Variants in FOXC1 observed in about 807,000 individuals in gnomAD.
FOXC1 encodes forkhead box protein C1.
A neutral mutation model predicts 8.1 loss-of-function variants in FOXC1; 5 were observed. The ratio of observed to expected loss-of-function variants is 0.62; its 90% CI spans 0.32 to 1.30. The LOEUF (loss-of-function observed/expected upper bound fraction) is 1.30, where lower values mean the gene tolerates loss of function less well. Among genes scored for constraint, FOXC1 ranks in the 50% most tolerant of loss-of-function variants. FOXC1 has a pLI of 0.05. For synonymous variants in FOXC1, 552 were observed against 417.2 expected, an observed-to-expected ratio of 1.32 and a Z score of -3.94; for missense variants, 942 against 858.0, an observed-to-expected ratio of 1.10 and a Z score of -1.22.
rs1003323508 is a variant in FOXC1 at position 1,612,445 on chromosome 6, G to A, written c.*338G>A. 2.2e-6 allele frequency: 1 copy of A among 462,748 alleles called. No individual in the cohort carries two copies. Among genetic ancestry groups the A allele is most frequent in the Non-Finnish European group, 4.0e-6 (1 of 248,666 alleles). 28.7% of individuals were successfully genotyped at this position (462,748 alleles called of 1,614,324 possible). On this transcript the variant is annotated 3_prime_UTR_variant, in exon 1 of 1. Transcript: ENST00000645831. ...CACGTAAGTTTCTTCTTGCTTTTCAGAGACCTGCTTTCCCCTCCTCCCGTC... is the reference window on the plus strand; with the variant it reads ...CACGTAAGTTTCTTCTTGCTTTTCAAAGACCTGCTTTCCCCTCCTCCCGTC...
rs1762549864 is a variant in FOXC1, at chr6:1,611,585, CGCGGG to C, written c.1142_1146del (p.Ala381GlyfsTer145). On this transcript the variant is annotated frameshift_variant, in exon 1 of 1. Transcript: ENST00000645831. LOFTEE classifies it low-confidence loss of function (END_TRUNC). The surrounding 1 kb of genome is among the most constrained non-coding windows in gnomAD (Gnocchi z 7.1). ...GCAGCTCGGGCGGCGGCGGCGGCGG[CGCGGG>C]GGCCGCGGGGGGCGCGGGCGGCGCC... The C allele has an allele frequency of 1.7e-6, 2 of 1,155,264 alleles. No individual in the cohort carries two copies. The highest frequency in any genetic ancestry group is 4.3e-5 in the East Asian group (1 of 23,036). The allele number at this position is 1,155,264 out of a possible 1,614,324, so 71.6% of individuals were successfully genotyped here.
In FOXC1 at chr6:1,611,057, G is replaced by C. The variant is rs1180537005; in HGVS notation, c.612G>C (p.Ala204=). 1.3e-6 allele frequency: 2 copies of C among 1,498,798 alleles called. No homozygotes were observed. Among genetic ancestry groups the C allele is most frequent in the Non-Finnish European group, 8.9e-7 (1 of 1,121,556 alleles). 92.8% of individuals were successfully genotyped at this position (1,498,798 alleles called of 1,614,324 possible). A position where few individuals can be genotyped will look rare whatever the true frequency, so the allele number is the denominator to read the frequency against. Residue 204 remains alanine, a synonymous_variant, in exon 1 of 1, where the codon GCG becomes GCC. Coordinates refer to ENST00000645831, the MANE Select transcript of FOXC1 (RefSeq NM_001453.3). The surrounding 1 kb of genome is among the most constrained non-coding windows in gnomAD (Gnocchi z 7.1). The part of the protein sequence containing the change: ...PPPPGRQPPP[A]PPEQADGNAP... ...CGCCCGGCCGCCAGCCCCCGCCCGC[G>C]CCGCCGGAGCAGGCCGACGGCAACG...
Position 1,611,696 on chromosome 6 carries a change from G to C in FOXC1, c.1251G>C (p.Gly417=). The change falls in exon 1 of 1, where the codon GGG becomes GGC. Residue 417 remains glycine (G), a synonymous_variant. Coordinates refer to ENST00000645831, the MANE Select transcript of FOXC1 (RefSeq NM_001453.3). The surrounding 1 kb of genome is among the most constrained non-coding windows in gnomAD (Gnocchi z 7.1). ...GGGGCCACTTGCAGGGCGCGCCCGG[G>C]GGCGCGGGCGGCTCGGCCGTGGACG... is the stretch of plus-strand genomic sequence containing the variant. ...ERGGHLQGAP[G]GAGGSAVDDP... 7.0e-7 allele frequency: 1 copy of C among 1,429,856 alleles called. No homozygotes were observed. Among genetic ancestry groups the C allele is most frequent in the Non-Finnish European group, 9.1e-7 (1 of 1,098,556 alleles). The allele number at this position is 1,429,856 out of a possible 1,614,324, so 88.6% of individuals were successfully genotyped here. A position where few individuals can be genotyped will look rare whatever the true frequency, so the allele number is the denominator to read the frequency against.
At position 1,610,275 on chromosome 6, in the gene FOXC1, C is replaced by T. The variant is rs1377095657; in HGVS notation, c.-171C>T. 1.3e-5 allele frequency: 3 copies of T among 226,136 alleles called. No homozygotes were observed. The highest frequency in any genetic ancestry group is 2.2e-5 in the Non-Finnish European group (3 of 136,486). 14.0% of individuals were successfully genotyped at this position (226,136 alleles called of 1,614,324 possible). On this transcript the variant is annotated 5_prime_UTR_variant, in exon 1 of 1. Transcript: ENST00000645831. ...GAGGTAGCCCGAGGCGCCGGAGGAG[C>T]CAGCCCCAGCGAGCGCCGGGAGAGG...
chr6:1,611,782 ACGGCGG>A lies in FOXC1; in HGVS notation c.1356_1361del (p.Gly455_Gly456del), dbSNP rs398123612. On this transcript the variant is annotated inframe_deletion, in exon 1 of 1. Coordinates refer to ENST00000645831, the MANE Select transcript of FOXC1 (RefSeq NM_001453.3). The surrounding 1 kb of genome is among the most constrained non-coding windows in gnomAD (Gnocchi z 7.1). The stretch of plus-strand genomic sequence containing the variant: ...AGCAGCAGCTCGTCGTCCCTGAGTC[ACGGCGG>A]CGGCGGCGGCGGCGGCGGGGGAGGC... 4.5e-4 allele frequency: 650 copies of A among 1,440,534 alleles called. 1 individual carries two copies. Among genetic ancestry groups the A allele is most frequent in the South Asian group, 9.4e-4 (69 of 73,720 alleles). The allele number at this position is 1,440,534 out of a possible 1,614,324, so 89.2% of individuals were successfully genotyped here.
rs779693228 is a variant in FOXC1, at chr6:1,611,224, C to T, written c.779C>T (p.Pro260Leu). The stretch of plus-strand genomic sequence containing the variant: ...GCCGCGGTGCCCAAGATCGAGAGCC[C>T]CGACAGCAGCAGCAGCAGCCTGTCC... ...SAAAVPKIES[P>L]DSSSSSLSSG... Residue 260 changes from proline to leucine, a missense_variant, in exon 1 of 1, where the codon CCC (proline) becomes CTC (leucine). Pro to Leu is a moderately conservative substitution (Grantham distance 98). This residue lies in a region of FOXC1 where 726 missense variants were observed against 599.6 expected (regional missense o/e 1.21). Transcript: ENST00000645831. This position sits in a 1 kb window ranked among gnomAD's most constrained non-coding sequence, Gnocchi z 7.1. 1.8e-5 allele frequency: 26 copies of T among 1,455,588 alleles called. No individual in the cohort carries two copies. The highest frequency in any genetic ancestry group is 3.0e-5 in the African/African-American group (2 of 67,624). The allele number at this position is 1,455,588 out of a possible 1,614,324, so 90.2% of individuals were successfully genotyped here. A position where few individuals can be genotyped will look rare whatever the true frequency, so the allele number is the denominator to read the frequency against.
Position 1,612,017 on chromosome 6 carries a change from C to T in FOXC1, c.1572C>T (p.Asn524=), listed in dbSNP as rs1329094535. The change falls in exon 1 of 1, where the codon AAC becomes AAT. Residue 524 remains asparagine, a synonymous_variant. Coordinates refer to ENST00000645831, the MANE Select transcript of FOXC1 (RefSeq NM_001453.3). ...TCGGCTTGAACAACTCTCCAGTGAA[C>T]GGGAATAGTAGCTGTCAAATGGCCT... ...QRIGLNNSPV[N]GNSSCQMAFP... The T allele has an allele frequency of 1.2e-6, 2 of 1,612,796 alleles. No individual in the cohort carries two copies. Among genetic ancestry groups the T allele is most frequent in the Non-Finnish European group, 1.7e-6 (2 of 1,179,834 alleles).
Position 1,612,574 on chromosome 6 carries a change from TA to T in FOXC1, c.*468del. Reference sequence around the variant, plus strand: ...CCGTTTATGAAAGTCGCTTTCTTTTTATTCATGGACTTGTTTTAAAATGTAA... The same window carrying T: ...CCGTTTATGAAAGTCGCTTTCTTTTTTTCATGGACTTGTTTTAAAATGTAA... On this transcript the variant is annotated 3_prime_UTR_variant, in exon 1 of 1. Transcript: ENST00000645831. The T allele has an allele frequency of 4.0e-6, 1 of 250,504 alleles. No individual in the cohort carries two copies. The highest frequency in any genetic ancestry group is 8.3e-6 in the Non-Finnish European group (1 of 119,788). The allele number at this position is 250,504 out of a possible 1,614,324, so 15.5% of individuals were successfully genotyped here. A position where few individuals can be genotyped will look rare whatever the true frequency, so the allele number is the denominator to read the frequency against.
chr6:1,612,054 C>T lies in FOXC1; in HGVS notation c.1609C>T (p.Gln537Ter). 6.2e-7 allele frequency: 1 copy of T among 1,614,066 alleles called. No individual in the cohort carries two copies. The highest frequency in any genetic ancestry group is 8.5e-7 in the Non-Finnish European group (1 of 1,180,038). Residue 537 changes from glutamine (Q) to a stop codon, truncating the protein, a stop_gained, in exon 1 of 1, where the codon CAG becomes TAG. Transcript: ENST00000645831. LOFTEE classifies it high-confidence loss of function. ...SSCQMAFPSS[Q>*]SLYRTSGAFV... is the part of the protein sequence containing the mutation. ...CTGTCAAATGGCCTTCCCTTCCAGC[C>T]AGTCTCTGTACCGCACGTCCGGAGC...
At position 1,613,763 on chromosome 6, in the gene FOXC1, A is replaced by T. The variant is rs979626594; in HGVS notation, c.*1656A>T. The T allele has an allele frequency of 2.2e-5, 5 of 228,400 alleles. No homozygotes were observed. The highest frequency in any genetic ancestry group is 4.7e-5 in the Non-Finnish European group (5 of 105,998). 14.1% of individuals were successfully genotyped at this position (228,400 alleles called of 1,614,324 possible). A position where few individuals can be genotyped will look rare whatever the true frequency, so the allele number is the denominator to read the frequency against. ...GGGGGGCTTGCAGTTTGTTTTGGAG[A>T]TAATACAGTTTCCTGCTATCTGCCG... On this transcript the variant is annotated 3_prime_UTR_variant, in exon 1 of 1. Coordinates refer to ENST00000645831, the MANE Select transcript of FOXC1 (RefSeq NM_001453.3).
Position 1,611,823 on chromosome 6 carries a change from G to C in FOXC1, c.1378G>C (p.Gly460Arg). Residue 460 changes from glycine to arginine, a missense_variant, in exon 1 of 1, where the codon GGC becomes CGC. Gly to Arg is a moderately radical substitution (Grantham distance 125). This residue lies in a region of FOXC1 where 726 missense variants were observed against 599.6 expected (regional missense o/e 1.21). Transcript: ENST00000645831. The surrounding 1 kb of genome is among the most constrained non-coding windows in gnomAD (Gnocchi z 7.1). ...CGGCGGCGGGGGAGGCCAGGAGGCC[G>C]GCCACCACCCTGCGGCCCACCAAGG... ...GGGGGGGQEA[G>R]HHPAAHQGRL... 3 of 1,505,088 alleles carry C rather than the reference G, an allele frequency of 2.0e-6. No individual in the cohort carries two copies. Among genetic ancestry groups the C allele is most frequent in the Non-Finnish European group, 2.7e-6 (3 of 1,130,054 alleles). The allele number at this position is 1,505,088 out of a possible 1,614,324, so 93.2% of individuals were successfully genotyped here.
rs1189595856 is a variant in FOXC1, at chr6:1,609,954, G to A, written c.-492G>A. The stretch of plus-strand genomic sequence containing the variant: ...AAGTTTTCCCAATGCTTCCTTAAGC[G>A]GCTGGCGCGCGAGAGACCGAGAAAA... On this transcript the variant is annotated 5_prime_UTR_variant, in exon 1 of 1. Transcript: ENST00000645831. 2.6e-5 allele frequency: 4 copies of A among 151,840 alleles called. No individual in the cohort carries two copies. Among genetic ancestry groups the A allele is most frequent in the Non-Finnish European group, 5.9e-5 (4 of 67,926 alleles). 9.4% of individuals were successfully genotyped at this position (151,840 alleles called of 1,614,324 possible).
rs1414044891 is a variant in FOXC1, at chr6:1,611,234, C to T, written c.789C>T (p.Ser263=). ...CCAAGATCGAGAGCCCCGACAGCAG[C>T]AGCAGCAGCCTGTCCAGCGGGAGCA... ...AVPKIESPDS[S]SSSLSSGSSP... The change falls in exon 1 of 1, where the codon AGC becomes AGT. Residue 263 remains serine, a synonymous_variant. Transcript: ENST00000645831. The surrounding 1 kb of genome is among the most constrained non-coding windows in gnomAD (Gnocchi z 7.1). The T allele has an allele frequency of 6.9e-7, 1 of 1,448,620 alleles. No individual in the cohort carries two copies. Among genetic ancestry groups the T allele is most frequent in the South Asian group, 1.3e-5 (1 of 77,230 alleles). The allele number at this position is 1,448,620 out of a possible 1,614,324, so 89.7% of individuals were successfully genotyped here. A position where few individuals can be genotyped will look rare whatever the true frequency, so the allele number is the denominator to read the frequency against.
Position 1,610,538 on chromosome 6 carries a change from G to A in FOXC1, c.93G>A (p.Ala31=). The A allele has an allele frequency of 6.5e-7, 1 of 1,540,734 alleles. No homozygotes were observed. Among genetic ancestry groups the A allele is most frequent in the Non-Finnish European group, 8.7e-7 (1 of 1,144,500 alleles). ...AGAGCTACTACCGCGCGGCGGCCGC[G>A]GCGGCCGGGGGCGGCTACACCGCCA... ...GEQSYYRAAA[A]AAGGGYTAMP... Residue 31 remains alanine (A), a synonymous_variant, in exon 1 of 1, where the codon GCG becomes GCA. Transcript: ENST00000645831.
In FOXC1 at chr6:1,611,384, C is replaced by T. The variant is rs1581374373; in HGVS notation, c.939C>T (p.Ile313=). The T allele has an allele frequency of 1.4e-6, 2 of 1,451,168 alleles. No homozygotes were observed. Among genetic ancestry groups the T allele is most frequent in the East Asian group, 3.1e-5 (1 of 31,862 alleles). The allele number at this position is 1,451,168 out of a possible 1,614,324, so 89.9% of individuals were successfully genotyped here. A position where few individuals can be genotyped will look rare whatever the true frequency, so the allele number is the denominator to read the frequency against. ...HHSQGFSVDN[I]MTSLRGSPQS... ...GCCAGGGCTTCAGCGTGGACAACAT[C>T]ATGACGTCGCTGCGGGGGTCGCCGC... is the stretch of plus-strand genomic sequence containing the variant. The change falls in exon 1 of 1, where the codon ATC becomes ATT. Residue 313 remains isoleucine, a synonymous_variant. Transcript: ENST00000645831. This position sits in a 1 kb window ranked among gnomAD's most constrained non-coding sequence, Gnocchi z 7.1.
Position 1,611,935 on chromosome 6 carries a change from A to T in FOXC1, c.1490A>T (p.Tyr497Phe). The change falls in exon 1 of 1, where the codon TAC becomes TTC. Residue 497 changes from tyrosine (Y) to phenylalanine (F), a missense_variant. Coordinates refer to ENST00000645831, the MANE Select transcript of FOXC1 (RefSeq NM_001453.3). The surrounding 1 kb of genome is among the most constrained non-coding windows in gnomAD (Gnocchi z 7.1). ...SAAAAAAAAG[Y>F]PGQQQNFHSV... ...GCGGCGGCGGCGGCGGCCGCAGGCTACCCGGGCCAGCAGCAGAACTTCCAC... is the reference window on the plus strand; with the variant it reads ...GCGGCGGCGGCGGCGGCCGCAGGCTTCCCGGGCCAGCAGCAGAACTTCCAC... 1 of 1,572,226 alleles carries T rather than the reference A, an allele frequency of 6.4e-7. No individual in the cohort carries two copies. Among genetic ancestry groups the T allele is most frequent in the African/African-American group, 1.3e-5 (1 of 74,116 alleles).
chr6:1,611,115 C>A lies in FOXC1; in HGVS notation c.670C>A (p.Gln224Lys). ...TCCGCAGCCGCCGCCCGTGCGCATC[C>A]AGGACATCAAGACCGAGAACGGTAC... is the stretch of plus-strand genomic sequence containing the variant. ...PGPQPPPVRI[Q>K]DIKTENGTCP... The change falls in exon 1 of 1, where the codon CAG becomes AAG. Residue 224 changes from glutamine to lysine, a missense_variant. Gln to Lys is a moderately conservative substitution (Grantham distance 53). Around this residue, in one of 4 missense-constraint regions of FOXC1, gnomAD observed 726 missense variants for 599.6 expected, o/e 1.21. Coordinates refer to ENST00000645831, the MANE Select transcript of FOXC1 (RefSeq NM_001453.3). This position sits in a 1 kb window ranked among gnomAD's most constrained non-coding sequence, Gnocchi z 7.1. The A allele has an allele frequency of 1.4e-6, 2 of 1,393,660 alleles. No individual in the cohort carries two copies. The highest frequency in any genetic ancestry group is 1.9e-6 in the Non-Finnish European group (2 of 1,061,472). 86.3% of individuals were successfully genotyped at this position (1,393,660 alleles called of 1,614,324 possible). A position where few individuals can be genotyped will look rare whatever the true frequency, so the allele number is the denominator to read the frequency against.
In FOXC1 at chr6:1,611,215, T is replaced by A; in HGVS notation, c.770T>A (p.Ile257Asn). ...GGCAGCGCCGCCGCGGTGCCCAAGA[T>A]CGAGAGCCCCGACAGCAGCAGCAGC... ...GSGSAAAVPK[I>N]ESPDSSSSSL... is the part of the protein sequence containing the mutation. The change falls in exon 1 of 1, where the codon ATC becomes AAC. Residue 257 changes from isoleucine (I) to asparagine (N), a missense_variant. Ile to Asn is a moderately radical substitution (Grantham distance 149). Transcript: ENST00000645831. The surrounding 1 kb of genome is among the most constrained non-coding windows in gnomAD (Gnocchi z 7.1). The A allele has an allele frequency of 6.9e-7, 1 of 1,456,456 alleles. No individual in the cohort carries two copies. Among genetic ancestry groups the A allele is most frequent in the Non-Finnish European group, 9.0e-7 (1 of 1,105,062 alleles). The allele number at this position is 1,456,456 out of a possible 1,614,324, so 90.2% of individuals were successfully genotyped here.
At position 1,610,612 on chromosome 6, in the gene FOXC1, A is replaced by G. The variant is rs2113111069; in HGVS notation, c.167A>G (p.Tyr56Cys). 1 of 1,610,326 alleles carries G rather than the reference A, an allele frequency of 6.2e-7. No homozygotes were observed. Among genetic ancestry groups the G allele is most frequent in the African/African-American group, 1.3e-5 (1 of 74,706 alleles). ...VYSHPAHAEQYPGGMARAYGP... is the reference protein window; with the variant it reads ...VYSHPAHAEQCPGGMARAYGP... ...TCGCACCCTGCGCACGCCGAGCAGTACCCGGGCGGCATGGCCCGCGCCTAC... is the reference window on the plus strand; with the variant it reads ...TCGCACCCTGCGCACGCCGAGCAGTGCCCGGGCGGCATGGCCCGCGCCTAC... The change falls in exon 1 of 1, where the codon TAC (tyrosine) becomes TGC (cysteine). Residue 56 changes from tyrosine to cysteine, a missense_variant. This residue lies in a region of FOXC1 where 190 missense variants were observed against 176.8 expected (regional missense o/e 1.07). Transcript: ENST00000645831.
Sources: allele counts gnomAD v4.1 joint callset, GRCh38; gene constraint gnomAD v4.1.1; regional missense constraint gnomAD v4.1.1; non-coding constraint Gnocchi (gnomAD v3.1); transcripts MANE v1.5; gene names NCBI Gene and HGNC (gene_info 2026-07-23, HGNC 2026-07-21).